DCUN1D1: variants seen among roughly 807,000 people sequenced by gnomAD.
DCUN1D1 encodes defective in cullin neddylation 1 domain containing 1.
Under a neutral mutation model 39.0 loss-of-function variants are expected in DCUN1D1, and 3 were observed. The ratio of observed to expected loss-of-function variants is 0.08; its 90% CI spans 0.04 to 0.20. DCUN1D1 has a LOEUF of 0.20. DCUN1D1 is among the 10% of genes least tolerant of loss of function. The pLI is 1.00. For missense variants in DCUN1D1, 158 were observed against 302.4 expected (o/e 0.52, Z 3.54); for synonymous variants, 82 against 96.3 (o/e 0.85, Z 0.87).
intron 4 of DCUN1D1, among the ~76,000 whole-genome samples, chr3:182,956,994 G>A (rs1369337050): frequency 6.6e-6 from 1 of 152,206 alleles, no homozygotes; most frequent in African/African-American, 2.4e-5. Context: ...AAGAAGAATA[G>A]TTAAAATAAT....
upstream of DCUN1D1, among the ~76,000 whole-genome samples, chr3:182,983,769 T>G (rs1472711214): frequency 1.3e-5 from 2 of 152,126 alleles, no homozygotes; most frequent in Non-Finnish European, 1.5e-5. Flanking sequence ...TGAAACCTGA[T>G]AGTCTGGCTA....
intron 4 of DCUN1D1, among the ~76,000 whole-genome samples, chr3:182,957,249 C>G: frequency 6.6e-6 from 1 of 152,206 alleles, no homozygotes; most frequent in Non-Finnish European, 1.5e-5. Flanking sequence ...GAATGAGCAT[C>G]AGGTAAGGAT....
chr3:182,960,391 C>G (rs1727321684), intron 4 of DCUN1D1, among the ~76,000 whole-genome samples: 1 of 152,212 alleles, frequency 6.6e-6, no homozygotes, highest in Non-Finnish European at 1.5e-5. Context: ...TCATTAAAAT[C>G]AAACCAACAA....
intron 1 of DCUN1D1, among the ~76,000 whole-genome samples, chr3:182,971,269 AG>A (rs778777541): frequency 1.3e-5 from 2 of 152,222 alleles, no homozygotes; most frequent in Non-Finnish European, 1.5e-5. Flanking sequence ...AAGTCCACAG[AG>A]GAAGAAAGAT....
At chr3:182,958,546 A>C (rs1405419790) in intron 4 of DCUN1D1, among the ~76,000 whole-genome samples, 5 of 152,186 alleles carry the variant, frequency 3.3e-5, no homozygotes, top group African/African-American at 1.2e-4. Flanking sequence ...ATATAACATA[A>C]AGTTTATCAT....
intron 1 of DCUN1D1, among the ~76,000 whole-genome samples, chr3:182,974,182 G>A (rs140639875): frequency 0.011 from 1,705 of 152,116 alleles, 35 homozygotes; most frequent in African/African-American, 0.039. Context: ...AATCCAGGAG[G>A]CAGAGGTTGC....
Position 182,939,523 on chromosome 3 carries a change from C to A in DCUN1D1, c.*5571G>T, listed in dbSNP as rs1207858479. On this transcript the variant is annotated 3_prime_UTR_variant, in exon 7 of 7. Transcript: ENST00000292782. Reference sequence around the variant, plus strand: ...CAAACAGTGAACACTAAGTCAGCAACTAAAGGAACTACACGCAGGTATAAG... The same window carrying A: ...CAAACAGTGAACACTAAGTCAGCAAATAAAGGAACTACACGCAGGTATAAG... 1 of 152,104 alleles carries A rather than the reference C, an allele frequency of 6.6e-6. No individual in the cohort carries two copies. The allele number at this position is 152,104 out of a possible 1,614,324, so 9.4% of individuals were successfully genotyped here.
At chr3:182,954,323 G>T (rs1726918019) in intron 4 of DCUN1D1, among the ~76,000 whole-genome samples, 1 of 152,110 alleles carries the variant, frequency 6.6e-6, no homozygotes, top group Non-Finnish European at 1.5e-5. Flanking sequence ...ATTTTCAATT[G>T]ATATTTTTCA....
At chr3:182,958,177 C>T (rs1577175818) in intron 4 of DCUN1D1, among the ~76,000 whole-genome samples, 1 of 151,142 alleles carries the variant, frequency 6.6e-6, no homozygotes, top group East Asian at 1.9e-4. Context: ...TTAAACTCTG[C>T]AAATAAGCAA....
chr3:182,970,776 A>T (rs868590610), intron 1 of DCUN1D1, among the ~76,000 whole-genome samples: 2 of 152,252 alleles, frequency 1.3e-5, no homozygotes, highest in Non-Finnish European at 1.5e-5. Context: ...TTTTAACTTT[A>T]GAAGATCATA....
chr3:182,945,249 CTTTT>C, intron 6 of DCUN1D1, 76 bp from the exon 7 acceptor site: 1 of 1,159,444 alleles, frequency 8.6e-7, no homozygotes, highest in South Asian at 1.5e-5. Flanking sequence ...TAGTAGAATC[CTTTT>C]TTTAAGACTT....
upstream of DCUN1D1, among the ~76,000 whole-genome samples, chr3:182,982,827 T>C (rs1450669466): frequency 6.6e-6 from 1 of 152,036 alleles, no homozygotes; most frequent in East Asian, 1.9e-4. Flanking sequence ...GCATTTTTAA[T>C]AGAAACAGGG....
At chr3:182,964,108 T>A in intron 2 of DCUN1D1, 59 bp from the exon 3 acceptor site, 1 of 1,449,054 alleles carries the variant, frequency 6.9e-7, no homozygotes, top group Admixed American at 1.9e-5. Flanking sequence ...TTATGAAAAC[T>A]GAAAAAGGTA....
chr3:182,980,635 C>T, upstream of DCUN1D1: 2 of 999,204 alleles, frequency 2.0e-6, no homozygotes, highest in East Asian at 8.4e-5. Flanking sequence ...GAGGCAGCCC[C>T]GGACCTCGGG....
chr3:182,956,787 T>A (rs961323152), intron 4 of DCUN1D1, among the ~76,000 whole-genome samples: 1 of 152,204 alleles, frequency 6.6e-6, no homozygotes, highest in Non-Finnish European at 1.5e-5. Context: ...CTAAAAATGA[T>A]ATGGCTGCTA....
intron 1 of DCUN1D1, among the ~76,000 whole-genome samples, chr3:182,969,148 C>A (rs1432581869): frequency 6.6e-6 from 1 of 152,196 alleles, no homozygotes; most frequent in Admixed American, 6.5e-5. Context: ...TCTCTGTCAG[C>A]TCTCTGTTCC....
At chr3:182,975,692 A>C (rs113818660) in intron 1 of DCUN1D1, among the ~76,000 whole-genome samples, 91 of 150,716 alleles carry the variant, frequency 6.0e-4, no homozygotes, top group South Asian at 1.2e-3. Context: ...TAAAAAAAAA[A>C]AAAAACAAAA....
At position 182,953,256 on chromosome 3, in the gene DCUN1D1, A is replaced by T. The variant is rs147566945; in HGVS notation, c.521-5624T>A. On this transcript the variant is annotated intron_variant, in intron 4 of 6. Transcript: ENST00000292782. Reference sequence around the variant, plus strand: ...TGAAAGCAGTCAAGTGTTTTTGAATAAAAAAGGAAGACTTTAACTCAAAAA... The same window carrying T: ...TGAAAGCAGTCAAGTGTTTTTGAATTAAAAAGGAAGACTTTAACTCAAAAA... Among the ~76,000 whole-genome samples the T allele has an allele frequency of 5.4e-4, 83 of 152,310 alleles. No homozygotes were observed. The East Asian group carries it at 0.012, about 22-fold the overall frequency.
intron 4 of DCUN1D1, among the ~76,000 whole-genome samples, chr3:182,949,062 AC>A (rs1726569941): frequency 6.7e-6 from 1 of 150,230 alleles, no homozygotes; most frequent in African/African-American, 2.5e-5. Context: ...AAAAAAAAAA[AC>A]AAGGAACAAA....
Sources: allele counts gnomAD v4.1 joint callset (sites outside exome capture counted in the v4.1 genomes callset), GRCh38; gene constraint gnomAD v4.1.1; transcripts MANE v1.5; gene names NCBI Gene and HGNC (gene_info 2026-07-23, HGNC 2026-07-21).